PRAG1: variants seen among roughly 807,000 people sequenced by gnomAD.
PRAG1 encodes the protein inactive tyrosine-protein kinase PRAG1.
A neutral mutation model predicts 95.6 loss-of-function variants in PRAG1; 110 were observed. That is an observed-to-expected ratio of 1.15 (90% CI 0.99 to 1.35). PRAG1 has a LOEUF of 1.35. Ranked by LOEUF, PRAG1 falls within the 40% of genes most tolerant of loss-of-function variation. The pLI is 0.00. For missense variants in PRAG1, 2,554 were observed against 1,864.7 expected (o/e 1.37, Z -6.81); for synonymous variants, 1,052 against 819.4 (o/e 1.28, Z -4.85).
In PRAG1 at chr8:8,377,900, C is replaced by T. The variant is rs546374036; in HGVS notation, c.509G>A (p.Arg170His). 4.0e-5 allele frequency: 64 copies of T among 1,614,060 alleles called. No homozygotes were observed. The highest frequency in any genetic ancestry group is 1.6e-4 in the East Asian group (7 of 44,862). The change falls in exon 3 of 6, where the codon CGC becomes CAC. Residue 170 changes from arginine to histidine, a missense_variant. Physicochemically the swap from Arg to His is conservative, Grantham distance 29. Coordinates refer to ENST00000615670, the MANE Select transcript of PRAG1 (RefSeq NM_001080826.3). ...TMVGLHNLEP[R>H]GERNIAFHPV... ...GTGGAAGGCAATGTTCCTCTCGCCG[C>T]GGGGCTCAAGGTTGTGCAGGCCGAC...
At chr8:8,384,996 C>T (rs1800803100) in intron 1 of PRAG1, among the ~76,000 whole-genome samples, 1 of 152,188 alleles carries the variant, frequency 6.6e-6, no homozygotes, top group African/African-American at 2.4e-5. Flanking sequence ...TACACTCCCA[C>T]CCCATTTCAA....
At chr8:8,375,890 T>C (rs1800368406) in intron 3 of PRAG1, among the ~76,000 whole-genome samples, 1 of 152,094 alleles carries the variant, frequency 6.6e-6, no homozygotes, top group Non-Finnish European at 1.5e-5. Flanking sequence ...ACGGAAAATA[T>C]TCAGGACTTC....
intron 4 of PRAG1, among the ~76,000 whole-genome samples, chr8:8,330,493 G>T (rs539881701): frequency 6.6e-6 from 1 of 152,324 alleles, no homozygotes; most frequent in African/African-American, 2.4e-5. Context: ...CTTCCCATTT[G>T]CTAATGATAG....
At chr8:8,323,618 C>T (rs1798539005) in intron 5 of PRAG1, among the ~76,000 whole-genome samples, 1 of 152,178 alleles carries the variant, frequency 6.6e-6, no homozygotes, top group Non-Finnish European at 1.5e-5. Flanking sequence ...GCCACTGCAC[C>T]TGGCTGCTTT....
chr8:8,375,998 T>C (rs1800372608), intron 3 of PRAG1, among the ~76,000 whole-genome samples: 1 of 152,080 alleles, frequency 6.6e-6, no homozygotes, highest in African/African-American at 2.4e-5. Context: ...AACAGCTTGG[T>C]GAAAGATTGA....
intron 4 of PRAG1, among the ~76,000 whole-genome samples, chr8:8,333,540 C>A (rs1383454035): frequency 6.6e-6 from 1 of 152,206 alleles, no homozygotes; most frequent in East Asian, 1.9e-4. Flanking sequence ...AACCTCTCTG[C>A]AGAAATGCAG....
In PRAG1 at chr8:8,345,737, G is replaced by A. The variant is rs1036490212; in HGVS notation, c.2163-6102C>T. On this transcript the variant is annotated intron_variant, in intron 3 of 5. Transcript: ENST00000615670. Reference sequence around the variant, plus strand: ...TCAAACCCGGGAGGCGGAGGTTGCAGTGAGCTGAGATGGCACCACTGCACT... The same window carrying A: ...TCAAACCCGGGAGGCGGAGGTTGCAATGAGCTGAGATGGCACCACTGCACT... Among the ~76,000 whole-genome samples, 7 of 152,212 alleles carry A rather than the reference G, an allele frequency of 4.6e-5. No homozygotes were observed. In the South Asian group the frequency reaches 6.2e-4, roughly 14 times the overall value.
intron 4 of PRAG1, among the ~76,000 whole-genome samples, chr8:8,336,538 G>A (rs1364524428): frequency 1.3e-5 from 2 of 152,164 alleles, no homozygotes; most frequent in African/African-American, 2.4e-5. Context: ...CAGATGCACT[G>A]GAGGAATATG....
intron 4 of PRAG1, 26 bp from the exon 5 acceptor site, chr8:8,328,487 A>C: frequency 6.2e-7 from 1 of 1,611,152 alleles, no homozygotes; most frequent in Non-Finnish European, 8.5e-7. Context: ...AGAAACCATA[A>C]GACCAAGGCC....
intron 3 of PRAG1, among the ~76,000 whole-genome samples, chr8:8,363,081 A>G (rs145525143): frequency 0.031 from 4,343 of 140,752 alleles, 193 homozygotes; most frequent in African/African-American, 0.099. Flanking sequence ...AGATATATAT[A>G]TGTGTGCGTG....
Position 8,362,076 on chromosome 8 carries a change from G to A in PRAG1, c.2162+14171C>T, listed in dbSNP as rs80316036. Among the ~76,000 whole-genome samples, 722 of 152,286 alleles carry A rather than the reference G, an allele frequency of 4.7e-3. 4 individuals are homozygous for A. The highest frequency in any genetic ancestry group is 0.015 in the African/African-American group (641 of 41,560). On this transcript the variant is annotated intron_variant, in intron 3 of 5. Coordinates refer to ENST00000615670, the MANE Select transcript of PRAG1 (RefSeq NM_001080826.3). ...CTTGAGGTTTCATTTTCCCTGGGGA[G>A]GATCTTAACTCCTCTTCCCCCACCC...
intron 5 of PRAG1, among the ~76,000 whole-genome samples, chr8:8,320,065 A>T (rs1585213261): frequency 1.3e-5 from 2 of 152,200 alleles, no homozygotes; most frequent in Non-Finnish European, 2.9e-5. Context: ...TGACCATATG[A>T]CCCAGTGAGT....
chr8:8,331,267 A>G (rs2979215), intron 4 of PRAG1, among the ~76,000 whole-genome samples: 34,974 of 151,810 alleles, frequency 0.23, 4,615 homozygotes, highest in African/African-American at 0.36. Flanking sequence ...ATGTTTATTG[A>G]TTTTGTCTTC....
At chr8:8,353,242 A>G (rs930543824) in intron 3 of PRAG1, among the ~76,000 whole-genome samples, 6 of 152,210 alleles carry the variant, frequency 3.9e-5, no homozygotes, top group African/African-American at 1.4e-4. Flanking sequence ...AGAACTTTCC[A>G]TATAACAGCA....
In PRAG1 at chr8:8,376,769, TTGGGGGGAA is replaced by T; in HGVS notation, c.1631_1639del (p.Ile544_Pro546del). On this transcript the variant is annotated inframe_deletion, in exon 3 of 6. Transcript: ENST00000615670. ...CCCTACAGGGCTACTCTTGGACAACTTGGGGGGAATGGCGGGCCTCTCCTTGGGCTTGCT... is the reference window on the plus strand; with the variant it reads ...CCCTACAGGGCTACTCTTGGACAACTTGGCGGGCCTCTCCTTGGGCTTGCT... 6.2e-7 allele frequency: 1 copy of T among 1,610,652 alleles called. No individual in the cohort carries two copies. The highest frequency in any genetic ancestry group is 8.5e-7 in the Non-Finnish European group (1 of 1,179,894).
At chr8:8,330,261 G>C (rs991761947) in intron 4 of PRAG1, among the ~76,000 whole-genome samples, 1 of 152,180 alleles carries the variant, frequency 6.6e-6, no homozygotes, top group Admixed American at 6.5e-5. Context: ...AGCTACTCAG[G>C]AGGCTGAGGG....
Position 8,381,805 on chromosome 8 carries a change from G to T in PRAG1, c.-58C>A. 5 of 1,417,472 alleles carry T rather than the reference G, an allele frequency of 3.5e-6. No individual in the cohort carries two copies. The highest frequency in any genetic ancestry group is 4.7e-6 in the Non-Finnish European group (5 of 1,059,488). The allele number at this position is 1,417,472 out of a possible 1,614,324, so 87.8% of individuals were successfully genotyped here. A position where few individuals can be genotyped will look rare whatever the true frequency, so the allele number is the denominator to read the frequency against. On this transcript the variant is annotated 5_prime_UTR_variant, in exon 2 of 6. Transcript: ENST00000615670. ...CCCGGCTCTCTGGTGCAGTTTTGTG[G>T]GATTCAGAGGTGGGTCACAGAGCGG...
At position 8,362,590 on chromosome 8, in the gene PRAG1, G is replaced by A. The variant is rs184936810; in HGVS notation, c.2162+13657C>T. 2.6e-4 allele frequency among the ~76,000 whole-genome samples: 40 copies of A among 152,318 alleles called. No homozygotes were observed. In the East Asian group the frequency reaches 3.9e-3, roughly 15 times the overall value. On this transcript the variant is annotated intron_variant, in intron 3 of 5. Coordinates refer to ENST00000615670, the MANE Select transcript of PRAG1 (RefSeq NM_001080826.3). ...AGAGACCCTGCCCCAGAGGAGAATG[G>A]GTGATCCTGGATGAGCCCCCAAACT...
Position 8,318,809 on chromosome 8 carries a change from C to T in PRAG1, c.3566G>A (p.Gly1189Asp), listed in dbSNP as rs1220777383. 7.0e-7 allele frequency: 1 copy of T among 1,426,748 alleles called. No homozygotes were observed. Among genetic ancestry groups the T allele is most frequent in the South Asian group, 1.4e-5 (1 of 73,144 alleles). The allele number at this position is 1,426,748 out of a possible 1,614,324, so 88.4% of individuals were successfully genotyped here. ...GCCGGCTGCGGGGCTGAGAGTGCCA[C>T]CAGCAGGCGGGGCGGCAGAGGAGCA... ...PPCSSAAPPA[G>D]GTLSPAAGPA... Residue 1189 changes from glycine (G) to aspartate (D), a missense_variant, in exon 6 of 6, where the codon GGT becomes GAT. Transcript: ENST00000615670. This position sits in a 1 kb window ranked among gnomAD's most constrained non-coding sequence, Gnocchi z 4.2.
Sources: gnomAD v4.1 joint callset for allele counts (sites outside exome capture counted in the v4.1 genomes callset) on GRCh38, gnomAD v4.1.1 for gene constraint, Gnocchi (gnomAD v3.1) non-coding constraint, MANE v1.5 for transcripts, NCBI Gene and HGNC (gene_info 2026-07-23, HGNC 2026-07-21) for gene names.